Variants in EPC1 observed in about 807,000 individuals in gnomAD.
EPC1 encodes the protein enhancer of polycomb homolog 1.
A neutral mutation model predicts 98.4 loss-of-function variants in EPC1; 12 were observed. The ratio of observed to expected loss-of-function variants is 0.12; its 90% CI spans 0.08 to 0.20. The LOEUF (loss-of-function observed/expected upper bound fraction) is 0.20, where lower values mean the gene tolerates loss of function less well. Ranked by LOEUF, EPC1 falls within the 10% of genes least tolerant of loss-of-function variation. The pLI, the probability that EPC1 is intolerant of heterozygous loss-of-function variation, is 1.00. For missense variants in EPC1, 729 were observed against 990.5 expected (o/e 0.74, Z 3.54); for synonymous variants, 357 against 363.9 (o/e 0.98, Z 0.21).
intron 1 of EPC1, among the ~76,000 whole-genome samples, chr10:32,329,923 A>T (rs1388793796): frequency 6.6e-6 from 1 of 152,196 alleles, no homozygotes; most frequent in African/African-American, 2.4e-5. Context: ...TTGAGCTGAG[A>T]TCTGAAGGAT....
chr10:32,371,146 C>A (rs1318815623), intron 1 of EPC1, among the ~76,000 whole-genome samples: 1 of 152,190 alleles, frequency 6.6e-6, no homozygotes, highest in Non-Finnish European at 1.5e-5. Context: ...TCTGAAGTCT[C>A]ATAACTTAAT....
chr10:32,356,556 C>G (rs1839283042), intron 1 of EPC1, among the ~76,000 whole-genome samples: 1 of 152,140 alleles, frequency 6.6e-6, no homozygotes, highest in Middle Eastern at 3.4e-3. Flanking sequence ...AGGAGGAGAT[C>G]AACGAGGAGA....
intron 1 of EPC1, among the ~76,000 whole-genome samples, chr10:32,353,306 T>C (rs1220361361): frequency 6.6e-6 from 1 of 152,160 alleles, no homozygotes; most frequent in African/African-American, 2.4e-5. Flanking sequence ...AAGGGGTAGC[T>C]ATTTGAAGTC....
At position 32,299,562 on chromosome 10, in the gene EPC1, C is replaced by CATCATCATCATCATT. The variant is rs1219644954; in HGVS notation, c.314-5826_314-5825insAATGATGATGATGAT. On this transcript the variant is annotated intron_variant, in intron 2 of 13. Coordinates refer to ENST00000319778, the MANE Select transcript of EPC1 (RefSeq NM_001272004.3). The stretch of plus-strand genomic sequence containing the variant: ...CCTCCATCATCATCATCATCATCAT[C>CATCATCATCATCATT]ATTATTATTATTATTAGCACATTCC... Among the ~76,000 whole-genome samples, 598 of 152,068 alleles carry CATCATCATCATCATT rather than the reference C, an allele frequency of 3.9e-3. 3 individuals carry two copies. The highest frequency in any genetic ancestry group is 0.014 in the African/African-American group (569 of 41,424).
At chr10:32,346,633 G>C in intron 1 of EPC1, 130 bp downstream of exon 1, 1 of 949,856 alleles carries the variant, frequency 1.1e-6, no homozygotes, top group Non-Finnish European at 1.6e-6. Context: ...TATAGGCCCG[G>C]CCGGCGACTG....
At chr10:32,269,994 C>G (rs971993920) in intron 13 of EPC1, among the ~76,000 whole-genome samples, 1 of 152,194 alleles carries the variant, frequency 6.6e-6, no homozygotes, top group Non-Finnish European at 1.5e-5. Context: ...TACTAACCTT[C>G]CTGAGCCTAT....
At chr10:32,371,640 T>G (rs979530620) in intron 1 of EPC1, among the ~76,000 whole-genome samples, 1 of 152,192 alleles carries the variant, frequency 6.6e-6, no homozygotes, top group South Asian at 2.1e-4. Context: ...GGCTCACCCC[T>G]GTAATCCCAG....
At chr10:32,344,356 T>C (rs947939306) in intron 1 of EPC1, among the ~76,000 whole-genome samples, 6 of 152,100 alleles carry the variant, frequency 3.9e-5, no homozygotes, top group Non-Finnish European at 5.9e-5. Flanking sequence ...TCCTCATACA[T>C]AGCTTTGGTT....
chr10:32,347,291 C>T, upstream of EPC1: 2 of 817,636 alleles, frequency 2.4e-6, no homozygotes, highest in Non-Finnish European at 3.1e-6. Flanking sequence ...CCCCGGCACC[C>T]GCCGGCCTCG....
At chr10:32,327,880 C>G (rs1837400377) in intron 1 of EPC1, among the ~76,000 whole-genome samples, 1 of 152,196 alleles carries the variant, frequency 6.6e-6, no homozygotes, top group African/African-American at 2.4e-5. Flanking sequence ...TGAAACGTCA[C>G]TATGCAGAAC....
At chr10:32,332,913 A>G (rs1411245907) in intron 1 of EPC1, among the ~76,000 whole-genome samples, 1 of 152,246 alleles carries the variant, frequency 6.6e-6, no homozygotes, top group Non-Finnish European at 1.5e-5. Flanking sequence ...GTTTTTAAAA[A>G]GTCTCATGGT....
At chr10:32,294,532 G>A (rs557175742) in intron 2 of EPC1, among the ~76,000 whole-genome samples, 25 of 152,250 alleles carry the variant, frequency 1.6e-4, no homozygotes, top group Non-Finnish European at 3.1e-4. Context: ...TTCGAACTGC[G>A]GAGCATTTCA....
chr10:32,333,356 AT>A (rs1327898090), intron 1 of EPC1, among the ~76,000 whole-genome samples: 2 of 152,130 alleles, frequency 1.3e-5, no homozygotes, highest in East Asian at 3.9e-4. Flanking sequence ...AACAACAAAA[AT>A]CCCCCACAAA....
At chr10:32,302,495 C>T (rs1835615966) in intron 2 of EPC1, among the ~76,000 whole-genome samples, 1 of 148,352 alleles carries the variant, frequency 6.7e-6, no homozygotes, top group Admixed American at 6.7e-5. Flanking sequence ...TAAAACAAAA[C>T]AAAAATTAGC....
At chr10:32,301,489 G>A (rs1005781657) in intron 2 of EPC1, among the ~76,000 whole-genome samples, 1 of 152,106 alleles carries the variant, frequency 6.6e-6, no homozygotes, top group Admixed American at 6.6e-5. Context: ...TCTTGAAAAA[G>A]AAAGATAATA....
At chr10:32,301,038 A>ATATTTATTTATCTATC (rs71299736) in intron 2 of EPC1, among the ~76,000 whole-genome samples, 14 of 143,108 alleles carry the variant, frequency 9.8e-5, no homozygotes, top group African/African-American at 3.8e-4. Flanking sequence ...AAGCACATTT[A>ATATTTATTTATCTATC]TATCTATCTA....
chr10:32,292,140 T>G (rs541071173), intron 5 of EPC1: 1 of 154,518 alleles, frequency 6.5e-6, no homozygotes, highest in African/African-American at 2.4e-5. Flanking sequence ...TGGGCCTTTC[T>G]CCCTCTTTCT....
At position 32,345,372 on chromosome 10, in the gene EPC1, C is replaced by T. The variant is rs562572546; in HGVS notation, c.153+1391G>A. 2.7e-4 allele frequency: 266 copies of T among 985,300 alleles called. No individual in the cohort carries two copies. The South Asian group carries it at 5.1e-3, about 19-fold the overall frequency. 61.0% of individuals were successfully genotyped at this position (985,300 alleles called of 1,614,324 possible). A position where few individuals can be genotyped will look rare whatever the true frequency, so the allele number is the denominator to read the frequency against. ...ATTTCACTTTAAAAGGTTAAACAAC[C>T]CAAAGAGTTTAAACAGTTTTATTTC... On this transcript the variant is annotated intron_variant, in intron 1 of 13. Coordinates refer to ENST00000319778, the MANE Select transcript of EPC1 (RefSeq NM_001272004.3).
At chr10:32,346,388 G>A (rs893363836) in intron 1 of EPC1, 3 of 180,156 alleles carry the variant, frequency 1.7e-5, no homozygotes, top group South Asian at 9.4e-5. Flanking sequence ...CACGGCTCCC[G>A]ACTCGCCGCA....
Sources: gnomAD v4.1 joint callset for allele counts (sites outside exome capture counted in the v4.1 genomes callset) on GRCh38, gnomAD v4.1.1 for gene constraint, MANE v1.5 for transcripts, NCBI Gene and HGNC (gene_info 2026-07-23, HGNC 2026-07-21) for gene names.